Variants in RPSA2 observed in about 807,000 individuals in gnomAD.
The protein encoded by RPSA2 is small ribosomal subunit protein uS2B.
chr19:23,794,130 TTTGTTA>T, the RPSA2 span, among the ~76,000 whole-genome samples: 150 of 152,330 alleles, frequency 9.8e-4, no homozygotes, highest in African/African-American at 3.2e-3. Context: ...ATTCCATGTC[TTTGTTA>T]TTGTGACTAG....
chr19:23,842,086 G>A, the RPSA2 span, among the ~76,000 whole-genome samples: 1 of 152,160 alleles, frequency 6.6e-6, no homozygotes, highest in African/African-American at 2.4e-5. Flanking sequence ...CATCACTGGT[G>A]AGTTTGTTTG....
the RPSA2 span, among the ~76,000 whole-genome samples, chr19:23,774,350 C>T: frequency 6.6e-6 from 1 of 152,298 alleles, no homozygotes; most frequent in South Asian, 2.1e-4. Flanking sequence ...ATGTGACTCT[C>T]TTCTCCTGCC....
At chr19:23,798,454 T>A in the RPSA2 span, among the ~76,000 whole-genome samples, 1 of 152,186 alleles carries the variant, frequency 6.6e-6, no homozygotes, top group Non-Finnish European at 1.5e-5. Context: ...TTAGACAACC[T>A]GCATTCATAT....
chr19:23,787,631 A>G, the RPSA2 span, among the ~76,000 whole-genome samples: 2 of 152,124 alleles, frequency 1.3e-5, no homozygotes, highest in Middle Eastern at 6.8e-3. Flanking sequence ...CAAAACAAAA[A>G]AAAGAATGAA....
At chr19:23,817,726 C>T in the RPSA2 span, 9 of 152,210 alleles carry the variant, frequency 5.9e-5, no homozygotes, top group South Asian at 6.2e-4. Context: ...GCGCAAAGCT[C>T]GTGGTGCAAG....
the RPSA2 span, among the ~76,000 whole-genome samples, chr19:23,810,688 C>G: frequency 9.9e-4 from 151 of 152,214 alleles, no homozygotes; most frequent in African/African-American, 3.2e-3. Context: ...ATGGAACTGC[C>G]TCAGGGACCA....
At chr19:23,769,542 C>T in the RPSA2 span, among the ~76,000 whole-genome samples, 35 of 152,220 alleles carry the variant, frequency 2.3e-4, no homozygotes, top group Non-Finnish European at 5.0e-4. Context: ...TGAGGTTTCA[C>T]CATGTTGGCC....
At chr19:23,801,489 C>T in the RPSA2 span, among the ~76,000 whole-genome samples, 2 of 152,268 alleles carry the variant, frequency 1.3e-5, no homozygotes, top group East Asian at 1.9e-4. Context: ...GATCCACTTG[C>T]GTCGGCCTCC....
chr19:23,827,584 C>T, the RPSA2 span: 3 of 1,586,800 alleles, frequency 1.9e-6, no homozygotes, highest in Non-Finnish European at 2.6e-6. Context: ...CTTATGTTAA[C>T]CTACCTACCA....
At chr19:23,818,518 A>C in the RPSA2 span, 1 of 152,650 alleles carries the variant, frequency 6.6e-6, no homozygotes, top group African/African-American at 2.4e-5. Flanking sequence ...AGGTAGTCTA[A>C]AGCCAGTCTA....
the RPSA2 span, among the ~76,000 whole-genome samples, chr19:23,808,272 A>AATTT: frequency 3.2e-5 from 4 of 126,926 alleles, 1 homozygote; most frequent in East Asian, 2.3e-4. Context: ...TACAAAATTA[A>AATTT]TTTTTTTTTT....
At chr19:23,857,566 C>T in the RPSA2 span, among the ~76,000 whole-genome samples, 2 of 140,328 alleles carry the variant, frequency 1.4e-5, no homozygotes, top group Non-Finnish European at 3.0e-5. Context: ...TCTTGGCTCA[C>T]TGCAACCTCC....
the RPSA2 span, among the ~76,000 whole-genome samples, chr19:23,845,648 C>T: frequency 6.6e-6 from 1 of 152,184 alleles, no homozygotes; most frequent in Admixed American, 6.5e-5. Context: ...CGCAGCACCA[C>T]ACCTAGCTAT....
At chr19:23,858,967 G>T in the RPSA2 span, among the ~76,000 whole-genome samples, 4 of 152,060 alleles carry the variant, frequency 2.6e-5, no homozygotes, top group African/African-American at 9.7e-5. Context: ...GTCCCACTTG[G>T]GTGCCCCACT....
the RPSA2 span, chr19:23,842,586 C>T: frequency 1.3e-5 from 2 of 151,360 alleles, no homozygotes; most frequent in African/African-American, 2.5e-5. Flanking sequence ...ATAGAATTTT[C>T]TCAGGAGGAG....
chr19:23,859,608 CAAT>C, the RPSA2 span, among the ~76,000 whole-genome samples: 1 of 128,710 alleles, frequency 7.8e-6, no homozygotes, highest in African/African-American at 2.9e-5. Context: ...GCCTGGGCAA[CAAT>C]AACAAAGTTC....
chr19:23,761,923 T>TCCTTCCTTCCTTCCTTCC, the RPSA2 span, among the ~76,000 whole-genome samples: 5 of 63,556 alleles, frequency 7.9e-5, no homozygotes, highest in African/African-American at 2.8e-4. Context: ...TTTCTTTCTT[T>TCCTTCCTTCCTTCCTTCC]TTTTTTTTTT....
At chr19:23,825,395 A>G in the RPSA2 span, among the ~76,000 whole-genome samples, 1 of 152,192 alleles carries the variant, frequency 6.6e-6, no homozygotes, top group Non-Finnish European at 1.5e-5. Flanking sequence ...TTAACATCTT[A>G]TAATTTAAGG....
the RPSA2 span, chr19:23,831,806 C>A: frequency 3.3e-6 from 1 of 306,748 alleles, no homozygotes; most frequent in South Asian, 3.9e-5. Flanking sequence ...CAAAGTATTT[C>A]AATGTGGTAA....
Sources: allele counts gnomAD v4.1 joint callset (sites outside exome capture counted in the v4.1 genomes callset), GRCh38; gene constraint gnomAD v4.1.1; transcripts MANE v1.5; gene names NCBI Gene and HGNC (gene_info 2026-07-23, HGNC 2026-07-21).